Variants in DLG2 observed in about 807,000 individuals in gnomAD.
The protein encoded by DLG2 is discs large MAGUK scaffold protein 2, also known as disks large homolog 2.
A neutral mutation model predicts 132.5 loss-of-function variants in DLG2; 45 were observed. The observed-to-expected ratio is 0.34, with a 90% CI of 0.27 to 0.44. The LOEUF is 0.44. DLG2 is among the 20% of genes least tolerant of loss of function. The pLI is 1.00. For missense variants in DLG2, 1,045 were observed against 1,196.9 expected, an observed-to-expected ratio of 0.87 and a Z score of 1.87; for synonymous variants, 424 against 419.6, an observed-to-expected ratio of 1.01 and a Z score of -0.13.
At chr11:83,861,174 A>G (rs1165351121) in intron 16 of DLG2, among the ~76,000 whole-genome samples, 2 of 152,214 alleles carry the variant, frequency 1.3e-5, no homozygotes, top group East Asian at 3.9e-4. Flanking sequence ...CAAAACTACA[A>G]TGAGATATCA....
intron 6 of DLG2, among the ~76,000 whole-genome samples, chr11:84,848,095 G>A (rs2154019694): frequency 6.6e-6 from 1 of 152,222 alleles, no homozygotes; most frequent in South Asian, 2.1e-4. Flanking sequence ...AAGAACTGAA[G>A]AGAACTATTC....
At chr11:84,599,027 C>T (rs1170918045) in intron 6 of DLG2, among the ~76,000 whole-genome samples, 2 of 151,882 alleles carry the variant, frequency 1.3e-5, no homozygotes, top group Non-Finnish European at 2.9e-5. Flanking sequence ...GGTAGATCAC[C>T]TGAGGTCAGG....
At chr11:84,771,356 T>C (rs1267214654) in intron 6 of DLG2, among the ~76,000 whole-genome samples, 1 of 152,118 alleles carries the variant, frequency 6.6e-6, no homozygotes, top group East Asian at 1.9e-4. Flanking sequence ...TGATTTGAAT[T>C]TCTGTAATGA....
chr11:84,425,785 C>G (rs563129895), intron 7 of DLG2, among the ~76,000 whole-genome samples: 1 of 152,150 alleles, frequency 6.6e-6, no homozygotes, highest in East Asian at 1.9e-4. Context: ...ATATTTGCCT[C>G]TGAAGATCTC....
At chr11:83,792,225 C>T (rs2041768550) in intron 17 of DLG2, among the ~76,000 whole-genome samples, 1 of 151,918 alleles carries the variant, frequency 6.6e-6, no homozygotes. Flanking sequence ...GATAAGTTCC[C>T]TGGAAAGACT....
chr11:83,730,147 T>G (rs73509294), intron 18 of DLG2, among the ~76,000 whole-genome samples: 3 of 62,902 alleles, frequency 4.8e-5, no homozygotes, highest in African/African-American at 1.7e-4. Flanking sequence ...TTTTTTATGG[T>G]TTTTTTTTTT....
At chr11:84,952,546 A>G (rs914065183) in intron 6 of DLG2, among the ~76,000 whole-genome samples, 2 of 151,996 alleles carry the variant, frequency 1.3e-5, no homozygotes, top group Admixed American at 1.3e-4. Context: ...CCAGAACTTC[A>G]TTTAATTCTA....
At chr11:85,440,714 A>G (rs1294911767) in intron 3 of DLG2, among the ~76,000 whole-genome samples, 1 of 152,230 alleles carries the variant, frequency 6.6e-6, no homozygotes, top group Admixed American at 6.5e-5. Context: ...AAACACAACC[A>G]TATTATCATC....
At chr11:84,610,657 A>G (rs746504336) in intron 6 of DLG2, among the ~76,000 whole-genome samples, 1 of 152,106 alleles carries the variant, frequency 6.6e-6, no homozygotes, top group Non-Finnish European at 1.5e-5. Flanking sequence ...ACCTGTTGAC[A>G]GTGTCCTTGC....
chr11:85,219,494 TCAGGACATCAGCATGGCC>T (rs2082865445), intron 4 of DLG2, among the ~76,000 whole-genome samples: 1 of 151,834 alleles, frequency 6.6e-6, no homozygotes, highest in Admixed American at 6.6e-5. Flanking sequence ...AATCCCAAAA[TCAGGACATCAGCATGGCC>T]GTGTTCTCCC....
At chr11:84,923,916 T>G (rs1029493478) in intron 6 of DLG2, among the ~76,000 whole-genome samples, 9 of 152,130 alleles carry the variant, frequency 5.9e-5, no homozygotes, top group African/African-American at 2.2e-4. Context: ...TTTCCAAAAC[T>G]ATGTTTTATT....
intron 6 of DLG2, among the ~76,000 whole-genome samples, chr11:84,608,363 G>T: frequency 6.6e-6 from 1 of 152,114 alleles, no homozygotes; most frequent in Non-Finnish European, 1.5e-5. Flanking sequence ...TTGACCTAGG[G>T]TAGAAACAAG....
At chr11:83,521,123 G>A (rs1407241595) in intron 21 of DLG2, among the ~76,000 whole-genome samples, 1 of 152,202 alleles carries the variant, frequency 6.6e-6, no homozygotes, top group Non-Finnish European at 1.5e-5. Flanking sequence ...AAATTAAATG[G>A]AACTGTATAC....
intron 15 of DLG2, among the ~76,000 whole-genome samples, chr11:83,887,788 G>C (rs1189863951): frequency 6.6e-6 from 1 of 150,500 alleles, no homozygotes; most frequent in African/African-American, 2.5e-5. Context: ...TGCAAGGCTG[G>C]TTCAATATAC....
intron 9 of DLG2, among the ~76,000 whole-genome samples, chr11:84,144,541 T>C (rs1250683822): frequency 6.6e-6 from 1 of 152,082 alleles, no homozygotes; most frequent in Non-Finnish European, 1.5e-5. Context: ...ACCCTTGCAA[T>C]TCAGAGTCAT....
chr11:83,737,887 G>C (rs971353250), intron 18 of DLG2, among the ~76,000 whole-genome samples: 9 of 152,138 alleles, frequency 5.9e-5, no homozygotes, highest in Non-Finnish European at 1.2e-4. Flanking sequence ...CAATTTTCCT[G>C]TCTTCTCCAC....
intron 6 of DLG2, among the ~76,000 whole-genome samples, chr11:84,958,920 G>A (rs2052110731): frequency 6.6e-6 from 1 of 152,182 alleles, no homozygotes; most frequent in Non-Finnish European, 1.5e-5. Flanking sequence ...AACTTTGCCT[G>A]ACAATAAACA....
chr11:85,299,064 C>T (rs1258706820), intron 3 of DLG2, among the ~76,000 whole-genome samples: 1 of 152,160 alleles, frequency 6.6e-6, no homozygotes, highest in Non-Finnish European at 1.5e-5. Context: ...CACTTTTCAA[C>T]TTCAAGAGTC....
chr11:85,175,174 T>A (rs1412011493), intron 4 of DLG2, among the ~76,000 whole-genome samples: 1 of 152,096 alleles, frequency 6.6e-6, no homozygotes, highest in African/African-American at 2.4e-5. Flanking sequence ...AAAAGAAAAC[T>A]TCAGGCCAAT....
Sources: allele counts gnomAD v4.1 joint callset (sites outside exome capture counted in the v4.1 genomes callset), GRCh38; gene constraint gnomAD v4.1.1; transcripts MANE v1.5; gene names NCBI Gene and HGNC (gene_info 2026-07-23, HGNC 2026-07-21).